The following SEPTIN9 variants were observed in gnomAD, a reference collection of about 807,000 sequenced individuals.
The protein encoded by SEPTIN9 is septin-9.
Under a neutral mutation model 56.6 loss-of-function variants are expected in SEPTIN9, and 13 were observed. The ratio of observed to expected loss-of-function variants is 0.23; its 90% confidence interval spans 0.15 to 0.37. The LOEUF is 0.37. SEPTIN9 is among the 10% of genes least tolerant of loss of function. SEPTIN9 has a pLI of 1.00. For missense variants in SEPTIN9, 650 were observed against 823.1 expected, an observed-to-expected ratio of 0.79 and a Z score of 2.57; for synonymous variants, 332 against 334.1, an observed-to-expected ratio of 0.99 and a Z score of 0.07.
intron 3 of SEPTIN9, among the ~76,000 whole-genome samples, chr17:77,418,498 A>G (rs536427458): frequency 6.6e-6 from 1 of 152,154 alleles, no homozygotes; most frequent in South Asian, 2.1e-4. Flanking sequence ...GCGTGTCACC[A>G]TGGCAGGCTA....
chr17:77,434,182 C>T lies in SEPTIN9; in HGVS notation c.721+31479C>T, dbSNP rs544763066. ...TTCCCCTTTAATCTGGGCAACCTTG[C>T]TTTGGCCTGCTGTCTGCGGAAAGTG... On this transcript the variant is annotated intron_variant, in intron 3 of 11. Coordinates refer to ENST00000427177, the MANE Select transcript of SEPTIN9 (RefSeq NM_001113491.2). The surrounding 1 kb of genome is among the most constrained non-coding windows in gnomAD (Gnocchi z 5.0). Among the ~76,000 whole-genome samples the T allele has an allele frequency of 1.3e-5, 2 of 152,316 alleles. No homozygotes were observed. Among genetic ancestry groups the T allele is most frequent in the East Asian group, 1.9e-4 (1 of 5,182 alleles).
chr17:77,382,738 C>G (rs1191694924), intron 2 of SEPTIN9, among the ~76,000 whole-genome samples: 3 of 152,204 alleles, frequency 2.0e-5, no homozygotes, highest in Non-Finnish European at 4.4e-5. Flanking sequence ...CCCTTGGCCG[C>G]CTGGGCCCCT....
At chr17:77,303,057 T>A (rs1413492711) in intron 1 of SEPTIN9, among the ~76,000 whole-genome samples, 1 of 152,052 alleles carries the variant, frequency 6.6e-6, no homozygotes, top group Non-Finnish European at 1.5e-5. Flanking sequence ...ACTCCTGCCT[T>A]CTGCTGTCTT....
intron 3 of SEPTIN9, among the ~76,000 whole-genome samples, chr17:77,419,114 T>C (rs1335361869): frequency 6.6e-6 from 1 of 152,156 alleles, no homozygotes; most frequent in Non-Finnish European, 1.5e-5. Context: ...TCCTTACCTC[T>C]TGGCCAGAGA....
At chr17:77,416,787 A>C (rs953919908) in intron 3 of SEPTIN9, among the ~76,000 whole-genome samples, 5 of 152,160 alleles carry the variant, frequency 3.3e-5, no homozygotes, top group Admixed American at 6.5e-5. Flanking sequence ...CTGGATGGCC[A>C]GTCCCAGAGT....
chr17:77,362,671 C>T (rs2034452536), intron 2 of SEPTIN9, among the ~76,000 whole-genome samples: 1 of 152,242 alleles, frequency 6.6e-6, no homozygotes, highest in Admixed American at 6.5e-5. Context: ...GCTGATGCTG[C>T]TGTATGTTCA....
chr17:77,458,626 G>A (rs181625913), intron 3 of SEPTIN9, among the ~76,000 whole-genome samples: 1 of 152,360 alleles, frequency 6.6e-6, no homozygotes, highest in Admixed American at 6.5e-5. Context: ...AAGAGGCTCA[G>A]CACGGAACCT....
At chr17:77,288,861 T>C (rs986128149) in intron 1 of SEPTIN9, among the ~76,000 whole-genome samples, 2 of 152,044 alleles carry the variant, frequency 1.3e-5, no homozygotes, top group African/African-American at 4.8e-5. Flanking sequence ...GCACCGGTAG[T>C]GGAAGAGCTG....
chr17:77,488,737 A>G lies in SEPTIN9; in HGVS notation c.1135A>G (p.Ile379Val). ...HINNENCWQP[I>V]MKFINDQYEK... is the part of the protein sequence containing the mutation. Reference sequence around the variant, plus strand: ...CCATCCCCCACGCAGCTGGCAGCCCATCATGAAGTTCATCAATGACCAGTA... The same window carrying G: ...CCATCCCCCACGCAGCTGGCAGCCCGTCATGAAGTTCATCAATGACCAGTA... The change falls in exon 7 of 12, where the codon ATC (isoleucine) becomes GTC (valine). Residue 379 changes from isoleucine (I) to valine (V), a missense_variant. Coordinates refer to ENST00000427177, the MANE Select transcript of SEPTIN9 (RefSeq NM_001113491.2). The G allele has an allele frequency of 1.2e-6, 2 of 1,613,812 alleles. No homozygotes were observed. The highest frequency in any genetic ancestry group is 1.7e-6 in the Non-Finnish European group (2 of 1,179,942).
At chr17:77,459,564 G>A (rs183967828) in intron 3 of SEPTIN9, among the ~76,000 whole-genome samples, 5 of 152,318 alleles carry the variant, frequency 3.3e-5, no homozygotes, top group Admixed American at 2.0e-4. Context: ...GCCGAGGCTG[G>A]GGGGTTATTT....
chr17:77,423,928 G>C (rs942829736), intron 3 of SEPTIN9, among the ~76,000 whole-genome samples: 1 of 149,662 alleles, frequency 6.7e-6, no homozygotes, highest in Non-Finnish European at 1.5e-5. Flanking sequence ...CGCCCGCCCT[G>C]AGCCCTGCCT....
At chr17:77,373,437 G>A (rs1476296950) in intron 2 of SEPTIN9, 4 of 1,469,100 alleles carry the variant, frequency 2.7e-6, no homozygotes, top group Non-Finnish European at 9.0e-7. Flanking sequence ...CAGGGCCCGG[G>A]CCCCGCCGGG....
chr17:77,304,622 A>G (rs566078538), intron 1 of SEPTIN9, among the ~76,000 whole-genome samples: 1 of 152,256 alleles, frequency 6.6e-6, no homozygotes, highest in Non-Finnish European at 1.5e-5. Context: ...TGTCTCAGCC[A>G]GAAGTGACTC....
At chr17:77,320,440 G>A (rs377270823) in intron 2 of SEPTIN9, 8 of 1,123,024 alleles carry the variant, frequency 7.1e-6, no homozygotes, top group African/African-American at 1.5e-5. Flanking sequence ...TGCAAAGGGC[G>A]CTTTTGCTCA....
chr17:77,497,800 A>G (rs908759418), intron 11 of SEPTIN9, among the ~76,000 whole-genome samples: 4 of 152,028 alleles, frequency 2.6e-5, no homozygotes, highest in Non-Finnish European at 1.5e-5. Flanking sequence ...AAGGAGGGGA[A>G]GCCCTGATGG....
In SEPTIN9 at chr17:77,435,405, G is replaced by T. The variant is rs986821059; in HGVS notation, c.721+32702G>T. Among the ~76,000 whole-genome samples, 16 of 152,102 alleles carry T rather than the reference G, an allele frequency of 1.1e-4. No individual in the cohort carries two copies. Among genetic ancestry groups the T allele is most frequent in the Non-Finnish European group, 1.0e-4 (7 of 68,004 alleles). On this transcript the variant is annotated intron_variant, in intron 3 of 11. Transcript: ENST00000427177. This position sits in a 1 kb window ranked among gnomAD's most constrained non-coding sequence, Gnocchi z 4.5. The stretch of plus-strand genomic sequence containing the variant: ...CTTGAGGTGGCTCACCCCTAAACAC[G>T]CCCCCCATGGTGGCTCTGTTTCCTC...
At chr17:77,346,781 C>G (rs1468909913) in intron 2 of SEPTIN9, among the ~76,000 whole-genome samples, 1 of 152,050 alleles carries the variant, frequency 6.6e-6, no homozygotes, top group Non-Finnish European at 1.5e-5. Flanking sequence ...CTGTTTGTGT[C>G]CCCCAAAATT....
intron 3 of SEPTIN9, among the ~76,000 whole-genome samples, chr17:77,413,087 CGTGT>C (rs3047410): frequency 0.044 from 6,266 of 143,830 alleles, 153 homozygotes; most frequent in South Asian, 0.063. Flanking sequence ...GCGGGTGGGG[CGTGT>C]GTGTGTGTGT....
chr17:77,439,455 G>A (rs575788083), intron 3 of SEPTIN9, among the ~76,000 whole-genome samples: 25 of 152,260 alleles, frequency 1.6e-4, no homozygotes, highest in Middle Eastern at 3.4e-3. Flanking sequence ...GCCTGCCCCC[G>A]TGGCGTCCTG....
Sources: gnomAD v4.1 joint callset for allele counts (sites outside exome capture counted in the v4.1 genomes callset) on GRCh38, gnomAD v4.1.1 for gene constraint, Gnocchi (gnomAD v3.1) non-coding constraint, MANE v1.5 for transcripts, NCBI Gene and HGNC (gene_info 2026-07-23, HGNC 2026-07-21) for gene names.